Variants in PLXDC2 observed in about 807,000 individuals in gnomAD.
PLXDC2 encodes plexin domain containing 2.
A neutral mutation model predicts 68.9 loss-of-function variants in PLXDC2; 40 were observed. The ratio of observed to expected loss-of-function variants is 0.58; its 90% CI spans 0.45 to 0.76. The LOEUF (loss-of-function observed/expected upper bound fraction) is 0.76, where lower values mean the gene tolerates loss of function less well. Ranked by LOEUF, PLXDC2 falls within the 30% of genes least tolerant of loss-of-function variation. The pLI, the probability that PLXDC2 is intolerant of heterozygous loss-of-function variation, is 0.00. For missense variants in PLXDC2, 644 were observed against 661.9 expected (o/e 0.97, Z 0.30); for synonymous variants, 243 against 234.2 (o/e 1.04, Z -0.34).
rs926982578 is a variant in PLXDC2 at position 19,878,477 on chromosome 10, C to T, written c.112+61286C>T. ...AGGTTGCAAATTCCATTAGTAAATA[C>T]GATCTTGAGTCTAGCTGAAGTAAAA... On this transcript the variant is annotated intron_variant, in intron 1 of 13. Coordinates refer to ENST00000377252, the MANE Select transcript of PLXDC2 (RefSeq NM_032812.9). Among the ~76,000 whole-genome samples, 50 of 152,220 alleles carry T rather than the reference C, an allele frequency of 3.3e-4. 1 individual carries two copies. Among genetic ancestry groups the T allele is most frequent in the African/African-American group, 1.1e-3 (47 of 41,540 alleles).
chr10:19,964,537 TAA>T (rs1369041615), intron 1 of PLXDC2, among the ~76,000 whole-genome samples: 1 of 152,168 alleles, frequency 6.6e-6, no homozygotes, highest in Admixed American at 6.5e-5. Context: ...ATAGGAAATA[TAA>T]TAAGCACACA....
chr10:20,123,236 G>C (rs1053423819), intron 4 of PLXDC2, among the ~76,000 whole-genome samples: 2 of 151,966 alleles, frequency 1.3e-5, no homozygotes, highest in African/African-American at 4.8e-5. Flanking sequence ...GGAGGGGAGA[G>C]GTCAGATGGG....
chr10:19,926,506 G>T (rs1262923645), intron 1 of PLXDC2, among the ~76,000 whole-genome samples: 1 of 152,102 alleles, frequency 6.6e-6, no homozygotes, highest in African/African-American at 2.4e-5. Context: ...TGTTCATCTT[G>T]CCTGAGAAAT....
intron 4 of PLXDC2, among the ~76,000 whole-genome samples, chr10:20,095,531 G>C (rs1833338980): frequency 6.6e-6 from 1 of 152,156 alleles, no homozygotes; most frequent in South Asian, 2.1e-4. Flanking sequence ...GGTGTAAGTG[G>C]ACATTTTTAA....
At chr10:19,834,273 T>C (rs74119752) in intron 1 of PLXDC2, among the ~76,000 whole-genome samples, 1,562 of 152,154 alleles carry the variant, frequency 0.01, 28 homozygotes, top group African/African-American at 0.036. Context: ...AGGAAGCCTT[T>C]GGCAAGGCCC....
intron 2 of PLXDC2, among the ~76,000 whole-genome samples, chr10:20,045,316 A>G (rs888966501): frequency 6.6e-6 from 1 of 151,230 alleles, no homozygotes; most frequent in Non-Finnish European, 1.5e-5. Context: ...GATTACAAGC[A>G]CCCGCCACTG....
At chr10:20,114,679 T>C (rs1047036446) in intron 4 of PLXDC2, among the ~76,000 whole-genome samples, 3 of 152,172 alleles carry the variant, frequency 2.0e-5, no homozygotes, top group African/African-American at 7.2e-5. Flanking sequence ...AATAGGATTT[T>C]TCAGGGCACA....
At chr10:19,822,939 A>G (rs113362139) in intron 1 of PLXDC2, among the ~76,000 whole-genome samples, 165 of 151,702 alleles carry the variant, frequency 1.1e-3, no homozygotes, top group African/African-American at 3.9e-3. Context: ...TTTTTGAGAC[A>G]GAGTCTCGCT....
At chr10:19,989,070 G>C in intron 1 of PLXDC2, among the ~76,000 whole-genome samples, 1 of 151,982 alleles carries the variant, frequency 6.6e-6, no homozygotes, top group East Asian at 1.9e-4. Flanking sequence ...AAAGTGCTGG[G>C]ATTACAGGCA....
chr10:20,165,970 A>C (rs1245106841), intron 7 of PLXDC2, among the ~76,000 whole-genome samples: 2 of 152,120 alleles, frequency 1.3e-5, no homozygotes, highest in Admixed American at 1.3e-4. Flanking sequence ...TTTGTGTCCT[A>C]TGTGTTCTTA....
At chr10:20,276,131 C>G (rs1180243486) in intron 13 of PLXDC2, among the ~76,000 whole-genome samples, 1 of 152,106 alleles carries the variant, frequency 6.6e-6, no homozygotes, top group Non-Finnish European at 1.5e-5. Flanking sequence ...GACTGCTTGA[C>G]AAGTGCCATT....
chr10:19,927,578 T>C (rs1833558077), intron 1 of PLXDC2, among the ~76,000 whole-genome samples: 1 of 151,578 alleles, frequency 6.6e-6, no homozygotes, highest in African/African-American at 2.4e-5. Flanking sequence ...GGCGCATGGC[T>C]ATAGTCCCAG....
chr10:20,232,389 CA>C (rs1835376699), intron 12 of PLXDC2, among the ~76,000 whole-genome samples: 1 of 152,084 alleles, frequency 6.6e-6, no homozygotes, highest in African/African-American at 2.4e-5. Flanking sequence ...TGTCCACACA[CA>C]CACACACACG....
chr10:19,890,325 C>T (rs898113095), intron 1 of PLXDC2, among the ~76,000 whole-genome samples: 3 of 151,994 alleles, frequency 2.0e-5, no homozygotes, highest in Non-Finnish European at 4.4e-5. Context: ...GCTGAGGTTT[C>T]GGGTATGAAT....
chr10:20,002,225 C>T (rs898098436), intron 2 of PLXDC2, among the ~76,000 whole-genome samples: 5 of 151,282 alleles, frequency 3.3e-5, no homozygotes, highest in Non-Finnish European at 5.9e-5. Flanking sequence ...GGCATCAATA[C>T]TGTGCCTGCT....
chr10:19,839,832 GTT>G (rs1054628425), intron 1 of PLXDC2, among the ~76,000 whole-genome samples: 6 of 152,046 alleles, frequency 3.9e-5, no homozygotes, highest in Non-Finnish European at 8.8e-5. Flanking sequence ...TCCTGTTAAG[GTT>G]ACATATGTAT....
chr10:20,140,253 C>G (rs1007878766), intron 4 of PLXDC2, among the ~76,000 whole-genome samples: 1 of 151,904 alleles, frequency 6.6e-6, no homozygotes, highest in African/African-American at 2.4e-5. Flanking sequence ...GAGCAGAGAT[C>G]GCGCCACTGC....
chr10:19,821,206 C>T (rs1836461288), intron 1 of PLXDC2, among the ~76,000 whole-genome samples: 1 of 152,222 alleles, frequency 6.6e-6, no homozygotes, highest in Admixed American at 6.5e-5. Context: ...GCCTCAAGCA[C>T]TTTCCCACCC....
chr10:20,000,231 C>T (rs1185710321), intron 1 of PLXDC2, among the ~76,000 whole-genome samples: 4 of 151,586 alleles, frequency 2.6e-5, no homozygotes, highest in Non-Finnish European at 5.9e-5. Context: ...GTATGGAGGG[C>T]AGGAGGGTGT....
Sources: allele counts gnomAD v4.1 joint callset (sites outside exome capture counted in the v4.1 genomes callset), GRCh38; gene constraint gnomAD v4.1.1; transcripts MANE v1.5; gene names NCBI Gene and HGNC (gene_info 2026-07-23, HGNC 2026-07-21).